The following ZNF577 variants were observed in gnomAD, a reference collection of about 807,000 sequenced individuals.
ZNF577 encodes zinc finger protein 577.
Under a neutral mutation model 13.9 loss-of-function variants are expected in ZNF577, and 14 were observed. The observed-to-expected ratio is 1.00, with a 90% CI of 0.66 to 1.57. The LOEUF is 1.57. Ranked by LOEUF, ZNF577 falls within the 40% of genes most tolerant of loss-of-function variation. The pLI is 0.00. For synonymous variants in ZNF577, 203 were observed against 202.9 expected, an observed-to-expected ratio of 1.00 and a Z score of 0.00; for missense variants, 555 against 579.2, an observed-to-expected ratio of 0.96 and a Z score of 0.43.
chr19:51,840,868 A>G (rs957248564), intron 8 of ZNF577: 1 of 152,224 alleles, frequency 6.6e-6, no homozygotes, highest in East Asian at 1.9e-4. Context: ...AAAAAAACTA[A>G]TAAAAACTAC....
At chr19:51,829,867 C>A (rs751083783) in intron 9 of ZNF577, among the ~76,000 whole-genome samples, 2 of 152,154 alleles carry the variant, frequency 1.3e-5, no homozygotes, top group Admixed American at 6.5e-5. Context: ...TCCTTGTCCC[C>A]ACTAGCCACT....
chr19:51,868,440 C>T lies in ZNF577; in HGVS notation c.*4092G>A, dbSNP rs924815981. On this transcript the variant is annotated 3_prime_UTR_variant, in exon 6 of 6. Coordinates refer to ENST00000638348, the MANE Select transcript of ZNF577 (RefSeq NM_001370449.1). Reference sequence around the variant, plus strand: ...CCCATGAGAGCAGGAAGAACAAGGGCAAACATGTCCCACACAACAATGGGA... The same window carrying T: ...CCCATGAGAGCAGGAAGAACAAGGGTAAACATGTCCCACACAACAATGGGA... Among the ~76,000 whole-genome samples, 5 of 152,118 alleles carry T rather than the reference C, an allele frequency of 3.3e-5. No individual in the cohort carries two copies. Among genetic ancestry groups the T allele is most frequent in the Non-Finnish European group, 7.4e-5 (5 of 68,018 alleles).
chr19:51,886,082 A>G (rs562741593), intron 1 of ZNF577: 2 of 152,322 alleles, frequency 1.3e-5, no homozygotes, highest in South Asian at 4.2e-4. Context: ...ATGACAACCA[A>G]GCACATCTAT....
In ZNF577 at chr19:51,869,780, A is replaced by C. The variant is rs1166165584; in HGVS notation, c.*2752T>G. Among the ~76,000 whole-genome samples the C allele has an allele frequency of 6.6e-6, 1 of 152,222 alleles. No homozygotes were observed. Among genetic ancestry groups the C allele is most frequent in the African/African-American group, 2.4e-5 (1 of 41,456 alleles). On this transcript the variant is annotated 3_prime_UTR_variant, in exon 6 of 6. Coordinates refer to ENST00000638348, the MANE Select transcript of ZNF577 (RefSeq NM_001370449.1). ...AACAGTCAAGACACACCAGCCGCTA[A>C]CTAGAATAAGTTGTTAGGCCTCCTA...
At chr19:51,808,627 A>C (rs1251628749) in intron 10 of ZNF577, among the ~76,000 whole-genome samples, 2 of 152,206 alleles carry the variant, frequency 1.3e-5, no homozygotes, top group African/African-American at 4.8e-5. Flanking sequence ...AATGCAAATC[A>C]AGGCTTATCC....
At chr19:51,850,581 T>C (rs11665868) in intron 5 of ZNF577, among the ~76,000 whole-genome samples, 15,509 of 152,278 alleles carry the variant, frequency 0.1, 1,022 homozygotes, top group Non-Finnish European at 0.14. Context: ...TAATATACTG[T>C]ACCTGTGGGT....
At position 51,870,845 on chromosome 19, in the gene ZNF577, G is replaced by A. The variant is rs2084648586; in HGVS notation, c.*1687C>T. Among the ~76,000 whole-genome samples the A allele has an allele frequency of 6.6e-6, 1 of 152,082 alleles. No homozygotes were observed. The highest frequency in any genetic ancestry group is 2.4e-5 in the African/African-American group (1 of 41,412). ...GGAAACTTTCTCCAGGCACTAAGCT[G>A]GGGCAATCATAAGGCTCATCTCATT... On this transcript the variant is annotated 3_prime_UTR_variant, in exon 6 of 6. Coordinates refer to ENST00000638348, the MANE Select transcript of ZNF577 (RefSeq NM_001370449.1).
intron 5 of ZNF577, among the ~76,000 whole-genome samples, chr19:51,875,202 CA>C (rs67698248): frequency 6.6e-6 from 1 of 150,754 alleles, no homozygotes; most frequent in Non-Finnish European, 1.5e-5. Context: ...ACTAAAAATA[CA>C]AAAAAAAGGA....
rs767236240 is a variant in ZNF577 at position 51,873,453 on chromosome 19, A to C, written c.537T>G (p.Thr179=). 1 of 1,614,012 alleles carries C rather than the reference A, an allele frequency of 6.2e-7. No individual in the cohort carries two copies. The change falls in exon 6 of 6, where the codon ACT becomes ACG. Residue 179 remains threonine (T), a synonymous_variant. Coordinates refer to ENST00000638348, the MANE Select transcript of ZNF577 (RefSeq NM_001370449.1). ...ATCCATGGGGTTTCTCTCCTCTTTC[A>C]GTTCTCTGATGTTGAATAAGCTGTG... is the stretch of plus-strand genomic sequence containing the variant. ...RKAQLIQHQR[T]ERGEKPHGCG...
At chr19:51,876,465 A>C (rs1396144956) in intron 5 of ZNF577, among the ~76,000 whole-genome samples, 5 of 151,766 alleles carry the variant, frequency 3.3e-5, no homozygotes, top group African/African-American at 1.2e-4. Flanking sequence ...AAAAAAAAAA[A>C]CAGAAGCTGG....
chr19:51,810,469 T>C (rs915641507), intron 10 of ZNF577, among the ~76,000 whole-genome samples: 5 of 152,182 alleles, frequency 3.3e-5, no homozygotes, highest in African/African-American at 1.2e-4. Flanking sequence ...CTTCAGGAAT[T>C]GCGGCCCAGG....
intron 9 of ZNF577, among the ~76,000 whole-genome samples, chr19:51,830,990 C>A (rs1036603866): frequency 6.6e-6 from 1 of 152,200 alleles, no homozygotes; most frequent in Non-Finnish European, 1.5e-5. Flanking sequence ...GTAAAACTAT[C>A]AATTTGATTC....
chr19:51,879,953 A>C (rs558267247), intron 3 of ZNF577, among the ~76,000 whole-genome samples: 2 of 152,218 alleles, frequency 1.3e-5, no homozygotes, highest in Non-Finnish European at 2.9e-5. Flanking sequence ...AGCTGTTACC[A>C]AAGAATGGAG....
intron 9 of ZNF577, among the ~76,000 whole-genome samples, chr19:51,820,273 C>G (rs1477132297): frequency 6.6e-6 from 1 of 152,194 alleles, no homozygotes; most frequent in East Asian, 1.9e-4. Context: ...AATCATACAT[C>G]CAGTTGTACC....
chr19:51,808,863 T>C (rs1209723106), intron 10 of ZNF577, among the ~76,000 whole-genome samples: 1 of 152,210 alleles, frequency 6.6e-6, no homozygotes, highest in East Asian at 1.9e-4. Context: ...CATCCCATTG[T>C]TCTTTTACTA....
intron 9 of ZNF577, chr19:51,823,684 T>C (rs1050257388): frequency 4.5e-5 from 60 of 1,322,878 alleles, no homozygotes; most frequent in Non-Finnish European, 5.7e-5. Flanking sequence ...TAATGAATAG[T>C]TGTATTGTAA....
chr19:51,830,250 T>A (rs1055820898), intron 9 of ZNF577, among the ~76,000 whole-genome samples: 6 of 152,340 alleles, frequency 3.9e-5, no homozygotes, highest in Admixed American at 1.3e-4. Flanking sequence ...CCATTTTCTT[T>A]TTGTGTTTTT....
At chr19:51,845,353 G>A (rs2122550861) in intron 5 of ZNF577, among the ~76,000 whole-genome samples, 1 of 152,184 alleles carries the variant, frequency 6.6e-6, no homozygotes, top group South Asian at 2.1e-4. Flanking sequence ...ATTATCCGTG[G>A]TGGTGTATGC....
intron 5 of ZNF577, chr19:51,860,228 A>G (rs1599859059): frequency 6.6e-6 from 1 of 152,194 alleles, no homozygotes; most frequent in East Asian, 1.9e-4. Context: ...ATAAAAAATA[A>G]CTTATCACTG....
Sources: allele counts gnomAD v4.1 joint callset (sites outside exome capture counted in the v4.1 genomes callset), GRCh38; gene constraint gnomAD v4.1.1; transcripts MANE v1.5; gene names NCBI Gene and HGNC (gene_info 2026-07-23, HGNC 2026-07-21).